The following KCNMA1 variants were observed in gnomAD, a reference collection of about 807,000 sequenced individuals.
KCNMA1 encodes the protein Calcium-activated potassium channel subunit alpha-1.
Under a neutral mutation model 140.0 loss-of-function variants are expected in KCNMA1, and 29 were observed. That is an observed-to-expected ratio of 0.21 (90% confidence interval 0.15 to 0.28). The LOEUF is 0.28. Ranked by LOEUF, KCNMA1 falls within the 10% of genes least tolerant of loss-of-function variation. The pLI is 1.00. For missense variants in KCNMA1, 880 were observed against 1,602.2 expected, an observed-to-expected ratio of 0.55 and a Z score of 7.70; for synonymous variants, 612 against 611.9, an observed-to-expected ratio of 1.00 and a Z score of 0.00.
At chr10:76,942,508 T>C (rs1284069761) in intron 23 of KCNMA1, among the ~76,000 whole-genome samples, 2 of 152,234 alleles carry the variant, frequency 1.3e-5, no homozygotes, top group African/African-American at 4.8e-5. Context: ...CTTTCCTCCA[T>C]ATCTCCTGTC....
At chr10:76,944,194 T>C (rs1304927642) in intron 23 of KCNMA1, among the ~76,000 whole-genome samples, 1 of 152,172 alleles carries the variant, frequency 6.6e-6, no homozygotes, top group Non-Finnish European at 1.5e-5. Flanking sequence ...CAGGAAAGAC[T>C]AGGGGCAGAG....
At chr10:76,988,855 A>C (rs574595842) in intron 19 of KCNMA1, among the ~76,000 whole-genome samples, 1 of 152,284 alleles carries the variant, frequency 6.6e-6, no homozygotes, top group South Asian at 2.1e-4. Context: ...ATTTTCATCC[A>C]TCAAATCTGT....
chr10:77,353,400 T>C (rs1320271356), intron 2 of KCNMA1, among the ~76,000 whole-genome samples: 1 of 152,120 alleles, frequency 6.6e-6, no homozygotes, highest in East Asian at 1.9e-4. Flanking sequence ...ATGAATCACA[T>C]TATTATTAAA....
intron 1 of KCNMA1, among the ~76,000 whole-genome samples, chr10:77,608,559 A>G (rs985751837): frequency 2.0e-5 from 3 of 152,102 alleles, no homozygotes; most frequent in Admixed American, 1.3e-4. Flanking sequence ...ATTATAGTCC[A>G]TAGTCTCTCA....
chr10:77,259,396 A>G (rs2061482542), intron 2 of KCNMA1, among the ~76,000 whole-genome samples: 1 of 152,028 alleles, frequency 6.6e-6, no homozygotes, highest in Non-Finnish European at 1.5e-5. Flanking sequence ...ATGAAGCCAT[A>G]CTCTGTGTGC....
At chr10:77,588,795 C>T (rs1357123602) in intron 1 of KCNMA1, among the ~76,000 whole-genome samples, 1 of 152,228 alleles carries the variant, frequency 6.6e-6, no homozygotes, top group Non-Finnish European at 1.5e-5. Context: ...TGGCGCTCAT[C>T]TTTGACAAAT....
intron 14 of KCNMA1, among the ~76,000 whole-genome samples, chr10:77,071,940 G>T (rs993141282): frequency 7.2e-5 from 11 of 152,188 alleles, no homozygotes; most frequent in African/African-American, 2.4e-5. Context: ...GAGCACCAAT[G>T]CATCTGTATC....
chr10:77,390,753 G>A (rs1317590968), intron 2 of KCNMA1, among the ~76,000 whole-genome samples: 2 of 152,126 alleles, frequency 1.3e-5, no homozygotes, highest in Non-Finnish European at 2.9e-5. Flanking sequence ...GCCTTCCTGG[G>A]CAAGTCGGGG....
At chr10:76,883,401 G>GTGGCAGAAGTTTAACTGTGTGT (rs1362637174), downstream of KCNMA1, among the ~76,000 whole-genome samples, 1 of 152,184 alleles carries the variant, frequency 6.6e-6, no homozygotes, top group Non-Finnish European at 1.5e-5. Flanking sequence ...TCTCCCAATT[G>GTGGCAGAAGTTTAACTGTGTGT]TGGCAGAAGT....
chr10:76,892,566 A>G (rs561532563), intron 25 of KCNMA1, among the ~76,000 whole-genome samples: 7 of 152,346 alleles, frequency 4.6e-5, no homozygotes, highest in African/African-American at 1.7e-4. Context: ...CAGGCTAAAA[A>G]ACTCAAATCA....
intron 5 of KCNMA1, among the ~76,000 whole-genome samples, chr10:77,133,844 T>C (rs2097916536): frequency 6.6e-6 from 1 of 152,082 alleles, no homozygotes; most frequent in African/African-American, 2.4e-5. Flanking sequence ...TGACCACATA[T>C]TAGGCCACAA....
rs118116224 is a variant in KCNMA1 at position 77,556,048 on chromosome 10, T to A, written c.378+81217A>T. Among the ~76,000 whole-genome samples, 364 of 152,318 alleles carry A rather than the reference T, an allele frequency of 2.4e-3. 1 individual carries two copies. The highest frequency in any genetic ancestry group is 3.8e-3 in the Non-Finnish European group (256 of 68,020). ...CATAAGAATCGACACAGCTGACATA[T>A]GGTGTGGACAGAGAGAAATAGCTTG... On this transcript the variant is annotated intron_variant, in intron 1 of 27. Transcript: ENST00000286628.
intron 1 of KCNMA1, among the ~76,000 whole-genome samples, chr10:77,430,188 C>T (rs1402785107): frequency 6.6e-6 from 1 of 152,228 alleles, no homozygotes; most frequent in Non-Finnish European, 1.5e-5. Flanking sequence ...GGTAGCCTCT[C>T]TCACCCTGAC....
chr10:77,300,473 T>C (rs1001978050), intron 2 of KCNMA1, among the ~76,000 whole-genome samples: 3 of 152,206 alleles, frequency 2.0e-5, no homozygotes, highest in Non-Finnish European at 2.9e-5. Flanking sequence ...TCTATCATTA[T>C]GTTGTTAGAT....
intron 5 of KCNMA1, among the ~76,000 whole-genome samples, chr10:77,156,935 A>G (rs2098493013): frequency 6.6e-6 from 1 of 151,974 alleles, no homozygotes; most frequent in African/African-American, 2.4e-5. Flanking sequence ...TGCCCACCAA[A>G]CCATCCTGAA....
At chr10:77,536,952 C>T (rs1046354364) in intron 1 of KCNMA1, among the ~76,000 whole-genome samples, 9 of 152,202 alleles carry the variant, frequency 5.9e-5, no homozygotes, top group Non-Finnish European at 1.2e-4. Flanking sequence ...TCTTGTGTCC[C>T]ATTCATTTCC....
chr10:76,942,639 G>A (rs1481132318), intron 23 of KCNMA1, among the ~76,000 whole-genome samples: 3 of 152,124 alleles, frequency 2.0e-5, no homozygotes, highest in Non-Finnish European at 4.4e-5. Context: ...GCTGGGATGA[G>A]GTTTAAGAGA....
chr10:77,128,412 T>C (rs1199983409), intron 5 of KCNMA1, among the ~76,000 whole-genome samples: 2 of 115,592 alleles, frequency 1.7e-5, no homozygotes, highest in African/African-American at 6.3e-5. Context: ...TTTTTTTTTT[T>C]ACTGCATCTA....
intron 14 of KCNMA1, among the ~76,000 whole-genome samples, chr10:77,054,007 AC>A (rs1010951662): frequency 5.3e-5 from 8 of 151,958 alleles, no homozygotes; most frequent in African/African-American, 1.9e-4. Context: ...CAGCCGCACA[AC>A]CCCCCTCACA....
Sources: allele counts gnomAD v4.1 joint callset (sites outside exome capture counted in the v4.1 genomes callset), GRCh38; gene constraint gnomAD v4.1.1; transcripts MANE v1.5; gene names NCBI Gene and HGNC (gene_info 2026-07-23, HGNC 2026-07-21).